The following KDM4C variants were observed in gnomAD, a reference collection of about 807,000 sequenced individuals.
KDM4C encodes lysine demethylase 4C.
KDM4C carries 81 observed loss-of-function variants against 129.3 expected under a neutral mutation model. The observed-to-expected ratio is 0.63, with a 90% CI of 0.52 to 0.75. The LOEUF (loss-of-function observed/expected upper bound fraction) is 0.75, where lower values mean the gene tolerates loss of function less well. Among genes scored for constraint, KDM4C ranks in the 30% least tolerant of loss-of-function variants. The probability of loss-of-function intolerance (pLI) is 0.00; values close to 1 mark genes in which losing one functional copy is unlikely to be tolerated. For synonymous variants in KDM4C, 573 were observed against 456.1 expected (o/e 1.26, Z -3.26); for missense variants, 1,457 against 1,304.0 (o/e 1.12, Z -1.81).
intron 15 of KDM4C, among the ~76,000 whole-genome samples, chr9:7,031,469 T>A (rs1056616178): frequency 4.6e-5 from 7 of 152,150 alleles, no homozygotes; most frequent in African/African-American, 7.2e-5. Context: ...CCAGTTTTTT[T>A]AAAAATTGTA....
At position 6,924,837 on chromosome 9, in the gene KDM4C, A is replaced by C. The variant is rs550730955; in HGVS notation, c.921+31605A>C. 4 of 983,410 alleles carry C rather than the reference A, an allele frequency of 4.1e-6. No individual in the cohort carries two copies. The South Asian group carries it at 1.9e-4, about 46-fold the overall frequency. The allele number at this position is 983,410 out of a possible 1,614,324, so 60.9% of individuals were successfully genotyped here. On this transcript the variant is annotated intron_variant, in intron 8 of 21. Transcript: ENST00000381309. The stretch of plus-strand genomic sequence containing the variant: ...ATTCCACTTTGCTATTAACATGAAA[A>C]TAAGACAGGCTGTCCACTATATATT...
At chr9:6,863,088 C>T (rs1403803518) in intron 5 of KDM4C, among the ~76,000 whole-genome samples, 3 of 151,596 alleles carry the variant, frequency 2.0e-5, no homozygotes, top group South Asian at 2.1e-4. Flanking sequence ...TATCTGTTAC[C>T]TTAAATATTT....
At chr9:7,040,369 CTGTGTG>C (rs527776913) in intron 15 of KDM4C, among the ~76,000 whole-genome samples, 5,930 of 100,278 alleles carry the variant, frequency 0.059, 169 homozygotes, top group East Asian at 0.11. Flanking sequence ...CTACCCCACT[CTGTGTG>C]TGTGTGTGTG....
chr9:6,754,404 G>T (rs1043632640), upstream of KDM4C, among the ~76,000 whole-genome samples: 1 of 151,590 alleles, frequency 6.6e-6, no homozygotes, highest in African/African-American at 2.4e-5. Flanking sequence ...GTAGAGACAG[G>T]GTTTAACCAT....
intron 1 of KDM4C, among the ~76,000 whole-genome samples, chr9:6,744,397 C>T (rs752134167): frequency 6.1e-4 from 93 of 152,008 alleles, no homozygotes; most frequent in Admixed American, 9.2e-4. Flanking sequence ...TGGTGGCGTG[C>T]GCCTGTAATC....
At chr9:6,927,231 G>A (rs142545413) in intron 8 of KDM4C, among the ~76,000 whole-genome samples, 2,419 of 152,240 alleles carry the variant, frequency 0.016, 20 homozygotes, top group Middle Eastern at 0.034. Context: ...CCAGGCTCAA[G>A]TGATTCTTAT....
chr9:6,985,493 C>A lies in KDM4C; in HGVS notation c.1355-851C>A, dbSNP rs1817529136. On this transcript the variant is annotated intron_variant, in intron 10 of 21. Transcript: ENST00000381309. ...ATTATAGAGATTGCATAGGATGTTG[C>A]TGGTTTACCAAGGAAGGACTTCAAA... Among the ~76,000 whole-genome samples, 4 of 152,296 alleles carry A rather than the reference C, an allele frequency of 2.6e-5. No individual in the cohort carries two copies. The South Asian group carries it at 8.3e-4, about 32-fold the overall frequency.
At chr9:6,917,411 A>C (rs1281821724) in intron 8 of KDM4C, among the ~76,000 whole-genome samples, 2 of 151,924 alleles carry the variant, frequency 1.3e-5, no homozygotes, top group African/African-American at 2.4e-5. Flanking sequence ...TCCCCCTTTC[A>C]CTGGTTTCTA....
intron 20 of KDM4C, among the ~76,000 whole-genome samples, chr9:7,169,519 A>G (rs570902279): frequency 1.3e-5 from 2 of 151,808 alleles, no homozygotes; most frequent in African/African-American, 2.4e-5. Context: ...TATTTTTGTT[A>G]GACAGGGTTT....
chr9:6,757,466 A>G (rs1818399835), upstream of KDM4C, among the ~76,000 whole-genome samples: 1 of 152,182 alleles, frequency 6.6e-6, no homozygotes, highest in South Asian at 2.1e-4. Flanking sequence ...CCTATTCGGG[A>G]TCTCCCATTG....
At chr9:7,165,204 C>G (rs761005505) in intron 19 of KDM4C, 34 bp from the exon 20 acceptor site, 23 of 1,610,160 alleles carry the variant, frequency 1.4e-5, no homozygotes, top group African/African-American at 2.7e-5. Context: ...CTTAGGCACT[C>G]CTTTTGAAAA....
chr9:6,845,474 G>A (rs540819080), intron 4 of KDM4C, among the ~76,000 whole-genome samples: 2 of 152,188 alleles, frequency 1.3e-5, no homozygotes, highest in East Asian at 3.9e-4. Context: ...CTTGGCCTCT[G>A]AAAGTATTGG....
At chr9:7,034,358 C>T (rs1440528649) in intron 15 of KDM4C, among the ~76,000 whole-genome samples, 1 of 152,184 alleles carries the variant, frequency 6.6e-6, no homozygotes, top group Non-Finnish European at 1.5e-5. Context: ...CCAATTCCTC[C>T]TTTCTGTCTA....
At chr9:6,739,594 C>A (rs186633706) in intron 1 of KDM4C, among the ~76,000 whole-genome samples, 1 of 150,422 alleles carries the variant, frequency 6.6e-6, no homozygotes, top group African/African-American at 2.4e-5. Flanking sequence ...TTTTAGATAG[C>A]TAGATAGATA....
intron 19 of KDM4C, among the ~76,000 whole-genome samples, chr9:7,160,925 C>A (rs74380101): frequency 3.0e-4 from 45 of 152,330 alleles, no homozygotes; most frequent in African/African-American, 1.1e-3. Flanking sequence ...TTCAGCTATG[C>A]CCTGCCCACA....
At chr9:6,783,013 C>G (rs1374868863) in intron 1 of KDM4C, among the ~76,000 whole-genome samples, 1 of 152,104 alleles carries the variant, frequency 6.6e-6, no homozygotes, top group African/African-American at 2.4e-5. Flanking sequence ...AGAGGGTAGG[C>G]TTGGGAAGGC....
At chr9:6,939,330 A>C (rs191477607) in intron 8 of KDM4C, among the ~76,000 whole-genome samples, 1 of 152,016 alleles carries the variant, frequency 6.6e-6, no homozygotes, top group African/African-American at 2.4e-5. Flanking sequence ...ATGATCTGTC[A>C]CTGTCTCCCA....
chr9:6,773,838 G>T (rs890359077), intron 1 of KDM4C, among the ~76,000 whole-genome samples: 1 of 151,446 alleles, frequency 6.6e-6, no homozygotes, highest in Non-Finnish European at 1.5e-5. Context: ...AAGATTGGGG[G>T]AAGAGACCTA....
chr9:6,958,595 A>C (rs1829495801), intron 8 of KDM4C, among the ~76,000 whole-genome samples: 1 of 152,148 alleles, frequency 6.6e-6, no homozygotes, highest in African/African-American at 2.4e-5. Flanking sequence ...TGAAAAAAAA[A>C]AAATCGTATC....
Sources: gnomAD v4.1 joint callset for allele counts (sites outside exome capture counted in the v4.1 genomes callset) on GRCh38, gnomAD v4.1.1 for gene constraint, MANE v1.5 for transcripts, NCBI Gene and HGNC (gene_info 2026-07-23, HGNC 2026-07-21) for gene names.